The following CDKL1 variants were observed in gnomAD, a reference collection of about 807,000 sequenced individuals.
CDKL1 encodes cyclin-dependent kinase-like 1.
In CDKL1, 41 loss-of-function variants were observed where a neutral mutation model predicts 42.0. The ratio of observed to expected loss-of-function variants is 0.98; its 90% CI spans 0.76 to 1.27. CDKL1 has a LOEUF of 1.27. CDKL1 is among the 50% of genes most tolerant of loss of function. The pLI, the probability that CDKL1 is intolerant of heterozygous loss-of-function variation, is 0.00. For missense variants in CDKL1, 394 were observed against 428.4 expected, an observed-to-expected ratio of 0.92 and a Z score of 0.71; for synonymous variants, 153 against 158.6, an observed-to-expected ratio of 0.96 and a Z score of 0.26.
intron 2 of CDKL1, chr14:50,376,470 G>T: frequency 2.2e-6 from 1 of 463,666 alleles, no homozygotes; most frequent in Non-Finnish European, 4.5e-6. Context: ...AATAGAGGAG[G>T]ATGGCTGAAT....
chr14:50,344,154 G>C (rs1380271113), intron 4 of CDKL1, among the ~76,000 whole-genome samples: 1 of 152,140 alleles, frequency 6.6e-6, no homozygotes, highest in Non-Finnish European at 1.5e-5. Context: ...ACGTCACCTG[G>C]GCAATAGTCT....
rs1385187210 is a variant in CDKL1 at position 50,359,166 on chromosome 14, A to G, written c.169-17T>C. On this transcript the variant is annotated splice_polypyrimidine_tract_variant and intron_variant, in intron 2 of 9. Coordinates refer to ENST00000395834, the MANE Select transcript of CDKL1 (RefSeq NM_004196.7). ...CTTGAGTTGCTGAAAACACAAAAAA[A>G]CAAGTTACTAAATTTGACTTGTGAA... is the stretch of plus-strand genomic sequence containing the variant. 3.8e-6 allele frequency: 6 copies of G among 1,592,480 alleles called. 1 individual carries two copies. The highest frequency in any genetic ancestry group is 4.3e-6 in the Non-Finnish European group (5 of 1,165,776).
chr14:50,384,850 C>T (rs2035026012), intron 2 of CDKL1, among the ~76,000 whole-genome samples: 1 of 151,774 alleles, frequency 6.6e-6, no homozygotes, highest in Non-Finnish European at 1.5e-5. Context: ...GTGGGTGGAT[C>T]ACTTGAGGCC....
intron 3 of CDKL1, among the ~76,000 whole-genome samples, chr14:50,356,448 G>A (rs1485173200): frequency 2.0e-5 from 3 of 152,140 alleles, no homozygotes. Context: ...TACGATGATA[G>A]ACTGGAAAAA....
chr14:50,383,899 A>T (rs12887039), intron 2 of CDKL1, among the ~76,000 whole-genome samples: 1 of 152,184 alleles, frequency 6.6e-6, no homozygotes, highest in Admixed American at 6.5e-5. Context: ...TGGCAGCTTT[A>T]TCACTTAGGA....
At chr14:50,390,374 C>A in intron 2 of CDKL1, 1 of 1,363,012 alleles carries the variant, frequency 7.3e-7, no homozygotes, top group Non-Finnish European at 9.8e-7. Context: ...TCTGCCACTG[C>A]TGGCAGAAAT....
chr14:50,346,231 G>A (rs944790324), intron 3 of CDKL1, among the ~76,000 whole-genome samples: 2 of 152,094 alleles, frequency 1.3e-5, no homozygotes, highest in Non-Finnish European at 1.5e-5. Context: ...TGAACAGAGA[G>A]TGGGATCACA....
intron 2 of CDKL1, among the ~76,000 whole-genome samples, chr14:50,359,727 C>T (rs753828192): frequency 1.4e-5 from 2 of 148,040 alleles, no homozygotes; most frequent in African/African-American, 5.0e-5. Flanking sequence ...AGCACCAGGC[C>T]GTGTACATAA....
intron 7 of CDKL1, chr14:50,335,962 A>G: frequency 7.3e-7 from 1 of 1,364,502 alleles, no homozygotes; most frequent in Non-Finnish European, 9.8e-7. Flanking sequence ...AGCCCTTGAC[A>G]GTAGCCCCTG....
At chr14:50,353,689 T>C (rs2033970861) in intron 3 of CDKL1, among the ~76,000 whole-genome samples, 1 of 151,966 alleles carries the variant, frequency 6.6e-6, no homozygotes, top group Non-Finnish European at 1.5e-5. Flanking sequence ...ATTTTTAAAA[T>C]ATAAAGGTAG....
At chr14:50,358,005 T>G (rs1463305110) in intron 3 of CDKL1, 1 of 1,325,138 alleles carries the variant, frequency 7.5e-7, no homozygotes, top group Non-Finnish European at 1.0e-6. Context: ...GGGTGGGAGC[T>G]GGAATCCAGT....
intron 2 of CDKL1, among the ~76,000 whole-genome samples, chr14:50,387,982 C>T (rs1036177473): frequency 6.6e-6 from 1 of 152,158 alleles, no homozygotes; most frequent in Admixed American, 6.5e-5. Flanking sequence ...CCGCCACCTC[C>T]ACCTCCCGGG....
chr14:50,328,689 A>C lies in CDKL1; in HGVS notation c.*1385T>G, dbSNP rs1425134897. ...TGATTAAGAGCAGTAGACCAAATCA[A>C]AGCTAATTATGTCATTTTGGCCAGG... On this transcript the variant is annotated 3_prime_UTR_variant, in exon 10 of 10. Coordinates refer to ENST00000395834, the MANE Select transcript of CDKL1 (RefSeq NM_004196.7). 1 of 152,104 alleles carries C rather than the reference A, an allele frequency of 6.6e-6. No homozygotes were observed. Among genetic ancestry groups the C allele is most frequent in the Non-Finnish European group, 1.5e-5 (1 of 68,030 alleles). The allele number at this position is 152,104 out of a possible 1,614,324, so 9.4% of individuals were successfully genotyped here. A position where few individuals can be genotyped will look rare whatever the true frequency, so the allele number is the denominator to read the frequency against.
In CDKL1 at chr14:50,358,217, C is replaced by T. The variant is rs1055420581; in HGVS notation, c.290+811G>A. On this transcript the variant is annotated intron_variant, in intron 3 of 9. Coordinates refer to ENST00000395834, the MANE Select transcript of CDKL1 (RefSeq NM_004196.7). ...CCACCCTTCTCAGTTACAGCCACAA[C>T]ACAATTGTTTTTCACCTATGCTTGC... 3.9e-5 allele frequency: 44 copies of T among 1,142,072 alleles called. No homozygotes were observed. In the African/African-American group the frequency reaches 6.3e-4, roughly 16 times the overall value. 70.7% of individuals were successfully genotyped at this position (1,142,072 alleles called of 1,614,324 possible).
At chr14:50,383,842 G>T (rs1048409912) in intron 2 of CDKL1, among the ~76,000 whole-genome samples, 2 of 152,102 alleles carry the variant, frequency 1.3e-5, no homozygotes, top group Non-Finnish European at 2.9e-5. Context: ...AGAAGGTAAC[G>T]AGCCAGCTTG....
chr14:50,353,653 T>G (rs2033969851), intron 3 of CDKL1, among the ~76,000 whole-genome samples: 1 of 152,186 alleles, frequency 6.6e-6, no homozygotes. Context: ...TCATGGTATA[T>G]TCATACAATG....
At chr14:50,379,538 C>T (rs2034842287) in intron 2 of CDKL1, among the ~76,000 whole-genome samples, 2 of 152,124 alleles carry the variant, frequency 1.3e-5, no homozygotes, top group Admixed American at 6.5e-5. Context: ...AGACCAGGTG[C>T]TTACAGTGGC....
Position 50,334,592 on chromosome 14 carries a change from G to A in CDKL1, c.768C>T (p.Ile256=). 1 of 1,605,278 alleles carries A rather than the reference G, an allele frequency of 6.2e-7. No homozygotes were observed. Among genetic ancestry groups the A allele is most frequent in the Non-Finnish European group, 8.5e-7 (1 of 1,172,010 alleles). ...MEPLELKFPN[I]SYPALGLLKG... is the part of the protein sequence containing the mutation. Reference sequence around the variant, plus strand: ...TTAGGAGCCCCAGGGCAGGATAAGAGATGTTTGGGAATTTTAATTCAAGTG... The same window carrying A: ...TTAGGAGCCCCAGGGCAGGATAAGAAATGTTTGGGAATTTTAATTCAAGTG... Residue 256 remains isoleucine (I), a synonymous_variant, in exon 8 of 10, where the codon ATC becomes ATT. Coordinates refer to ENST00000395834, the MANE Select transcript of CDKL1 (RefSeq NM_004196.7).
At chr14:50,359,003 T>C (rs368250793) in intron 3 of CDKL1, 25 bp downstream of exon 3, 1 of 1,593,856 alleles carries the variant, frequency 6.3e-7, no homozygotes, top group African/African-American at 1.3e-5. Context: ...GTCTTTGTTT[T>C]GCTTGTAAGG....
Sources: allele counts gnomAD v4.1 joint callset (sites outside exome capture counted in the v4.1 genomes callset), GRCh38; gene constraint gnomAD v4.1.1; transcripts MANE v1.5; gene names NCBI Gene and HGNC (gene_info 2026-07-23, HGNC 2026-07-21).